CDH13: variants seen among roughly 807,000 people sequenced by gnomAD.
CDH13 encodes the protein cadherin 13.
Under a neutral mutation model 63.8 loss-of-function variants are expected in CDH13, and 24 were observed. That is an observed-to-expected ratio of 0.38 (90% CI 0.27 to 0.53). CDH13 has a LOEUF of 0.53. CDH13 is among the 20% of genes least tolerant of loss of function. The probability of loss-of-function intolerance (pLI) is 0.85; values close to 1 mark genes in which losing one functional copy is unlikely to be tolerated. For missense variants in CDH13, 1,049 were observed against 903.1 expected, an observed-to-expected ratio of 1.16 and a Z score of -2.07; for synonymous variants, 503 against 355.3, an observed-to-expected ratio of 1.42 and a Z score of -4.67.
intron 4 of CDH13, among the ~76,000 whole-genome samples, chr16:83,184,329 G>T (rs1017077168): frequency 6.6e-6 from 1 of 151,952 alleles, no homozygotes; most frequent in Non-Finnish European, 1.5e-5. Context: ...AAACTCTGTC[G>T]ACTCTTTGCT....
intron 6 of CDH13, among the ~76,000 whole-genome samples, chr16:83,354,976 A>G (rs892022997): frequency 6.6e-6 from 1 of 152,260 alleles, no homozygotes; most frequent in African/African-American, 2.4e-5. Context: ...AGGCAAAAGT[A>G]TGTAATACCT....
chr16:82,936,018 G>C (rs2042655188), intron 2 of CDH13, among the ~76,000 whole-genome samples: 1 of 152,128 alleles, frequency 6.6e-6, no homozygotes, highest in South Asian at 2.1e-4. Context: ...TGTTTACACA[G>C]GGCATGGGCA....
intron 8 of CDH13, among the ~76,000 whole-genome samples, chr16:83,618,228 C>T (rs561177115): frequency 7.2e-5 from 11 of 151,992 alleles, no homozygotes; most frequent in Non-Finnish European, 1.3e-4. Context: ...AGTTCAAGAC[C>T]AGCCTGGGCA....
intron 7 of CDH13, among the ~76,000 whole-genome samples, chr16:83,519,500 C>A (rs916565985): frequency 1.3e-5 from 2 of 152,194 alleles, no homozygotes; most frequent in Non-Finnish European, 2.9e-5. Context: ...GGTATTTGAG[C>A]AAACTAACAG....
intron 1 of CDH13, among the ~76,000 whole-genome samples, chr16:82,792,209 G>A (rs1487074110): frequency 6.6e-6 from 1 of 152,114 alleles, no homozygotes; most frequent in Non-Finnish European, 1.5e-5. Context: ...CCACCTTGCT[G>A]TCCTGGCATC....
chr16:83,409,072 G>A (rs2092088852), intron 6 of CDH13, among the ~76,000 whole-genome samples: 1 of 152,072 alleles, frequency 6.6e-6, no homozygotes, highest in Non-Finnish European at 1.5e-5. Flanking sequence ...AGTCAAAATT[G>A]GTTTATTTTG....
At chr16:82,632,004 C>G (rs1369148651) in intron 1 of CDH13, among the ~76,000 whole-genome samples, 2 of 152,138 alleles carry the variant, frequency 1.3e-5, no homozygotes, top group Non-Finnish European at 2.9e-5. Flanking sequence ...TTGTTTGGCT[C>G]AAATGTTTTG....
chr16:83,258,950 G>C (rs1016119730), intron 5 of CDH13, among the ~76,000 whole-genome samples: 1 of 152,160 alleles, frequency 6.6e-6, no homozygotes, highest in South Asian at 2.1e-4. Context: ...TATTCCATTT[G>C]ATACATAAAC....
chr16:83,354,514 C>G (rs1313288954), intron 6 of CDH13, among the ~76,000 whole-genome samples: 1 of 152,062 alleles, frequency 6.6e-6, no homozygotes, highest in Non-Finnish European at 1.5e-5. Context: ...GAGAAAGGTG[C>G]CAACAGAAAT....
At chr16:83,096,687 C>T (rs1438037770) in intron 3 of CDH13, among the ~76,000 whole-genome samples, 3 of 152,094 alleles carry the variant, frequency 2.0e-5, no homozygotes, top group Non-Finnish European at 4.4e-5. Context: ...GGACTGAGTG[C>T]AATTATATGT....
At chr16:83,779,857 C>CA in intron 11 of CDH13, 111 bp from the exon 12 acceptor site, 1 of 741,618 alleles carries the variant, frequency 1.3e-6, no homozygotes, top group Admixed American at 2.8e-5. Flanking sequence ...GACCCTGTCT[C>CA]AAAAAATAAA....
At chr16:83,618,292 G>C (rs1003841396) in intron 8 of CDH13, among the ~76,000 whole-genome samples, 1 of 152,080 alleles carries the variant, frequency 6.6e-6, no homozygotes, top group Non-Finnish European at 1.5e-5. Context: ...AGGCATGGTG[G>C]CATGTGCCTG....
intron 1 of CDH13, among the ~76,000 whole-genome samples, chr16:82,651,531 A>G (rs1053313910): frequency 1.3e-5 from 2 of 152,232 alleles, no homozygotes; most frequent in Non-Finnish European, 2.9e-5. Context: ...TGGGTGGCGT[A>G]TCTTCTTAAA....
intron 7 of CDH13, among the ~76,000 whole-genome samples, chr16:83,560,798 A>T (rs973930470): frequency 1.4e-5 from 2 of 144,742 alleles, no homozygotes; most frequent in Admixed American, 1.4e-4. Flanking sequence ...ACAATGATTG[A>T]CGCAACCTTA....
At chr16:83,255,273 A>T (rs1322759757) in intron 5 of CDH13, among the ~76,000 whole-genome samples, 1 of 152,184 alleles carries the variant, frequency 6.6e-6, no homozygotes, top group African/African-American at 2.4e-5. Context: ...AATTAAAAAG[A>T]CAAGTGGAGA....
intron 1 of CDH13, among the ~76,000 whole-genome samples, chr16:82,640,172 G>T (rs1262201769): frequency 2.6e-5 from 4 of 152,236 alleles, no homozygotes; most frequent in African/African-American, 4.8e-5. Flanking sequence ...GTGATAGACA[G>T]TGTTGTTCTG....
At chr16:83,232,368 A>AC (rs1342092552) in intron 5 of CDH13, among the ~76,000 whole-genome samples, 1 of 151,724 alleles carries the variant, frequency 6.6e-6, no homozygotes, top group East Asian at 1.9e-4. Flanking sequence ...CTACTAAAAA[A>AC]ACAAAAATTA....
At chr16:83,384,210 C>G (rs949171956) in intron 6 of CDH13, among the ~76,000 whole-genome samples, 4 of 152,072 alleles carry the variant, frequency 2.6e-5, no homozygotes, top group Admixed American at 2.6e-4. Flanking sequence ...AGTGAGAAAC[C>G]TATTATTATT....
intron 1 of CDH13, among the ~76,000 whole-genome samples, chr16:82,796,388 T>A (rs1462034): frequency 6.6e-6 from 1 of 152,034 alleles, no homozygotes; most frequent in African/African-American, 2.4e-5. Flanking sequence ...ATTCCCTAAA[T>A]AGCCCCGATT....
Sources: gnomAD v4.1 joint callset for allele counts (sites outside exome capture counted in the v4.1 genomes callset) on GRCh38, gnomAD v4.1.1 for gene constraint, MANE v1.5 for transcripts, NCBI Gene and HGNC (gene_info 2026-07-23, HGNC 2026-07-21) for gene names.